HEMK2: variants seen among roughly 807,000 people sequenced by gnomAD.
The protein encoded by HEMK2 is HemK methyltransferase 2, ETF1 glutamine and histone H4 lysine, also known as methyltransferase HEMK2.
chr21:28,727,826 T>C, the HEMK2 span, among the ~76,000 whole-genome samples: 1 of 152,192 alleles, frequency 6.6e-6, no homozygotes, highest in Non-Finnish European at 1.5e-5. Context: ...GCCTGAGGGC[T>C]TGCTTGAAAT....
At chr21:28,693,310 T>C in the HEMK2 span, among the ~76,000 whole-genome samples, 1 of 152,190 alleles carries the variant, frequency 6.6e-6, no homozygotes, top group Non-Finnish European at 1.5e-5. Flanking sequence ...GTGAGGGGTT[T>C]TAGGCATAGA....
At chr21:28,866,175 A>AAAAAAACAC in the HEMK2 span, among the ~76,000 whole-genome samples, 173 of 76,216 alleles carry the variant, frequency 2.3e-3, 18 homozygotes, top group African/African-American at 7.8e-3. Flanking sequence ...CAAAAAAAAA[A>AAAAAAACAC]ACACACACAC....
the HEMK2 span, among the ~76,000 whole-genome samples, chr21:28,749,872 T>C: frequency 6.6e-6 from 1 of 152,248 alleles, no homozygotes; most frequent in African/African-American, 2.4e-5. Context: ...AATGTTGACA[T>C]TCACTTCCAA....
the HEMK2 span, among the ~76,000 whole-genome samples, chr21:28,617,228 C>T: frequency 1.3e-5 from 2 of 152,118 alleles, no homozygotes; most frequent in South Asian, 4.1e-4. Context: ...CAGCCAATGC[C>T]AAGGCCCTAA....
chr21:28,818,374 A>T, the HEMK2 span, among the ~76,000 whole-genome samples: 1 of 152,188 alleles, frequency 6.6e-6, no homozygotes, highest in Non-Finnish European at 1.5e-5. Context: ...CTTGCTCCTC[A>T]GCTTGCAGAT....
the HEMK2 span, among the ~76,000 whole-genome samples, chr21:28,715,430 C>G: frequency 6.6e-6 from 1 of 152,076 alleles, no homozygotes. Context: ...TTGTTGGCCA[C>G]TTGTATACCT....
the HEMK2 span, among the ~76,000 whole-genome samples, chr21:28,843,754 T>C: frequency 1.3e-5 from 2 of 152,184 alleles, no homozygotes; most frequent in African/African-American, 4.8e-5. Flanking sequence ...ATGTGGATAT[T>C]ACTATTCATG....
chr21:28,796,046 T>A, the HEMK2 span, among the ~76,000 whole-genome samples: 1 of 152,214 alleles, frequency 6.6e-6, no homozygotes, highest in African/African-American at 2.4e-5. Flanking sequence ...CAAATGAGAT[T>A]TTTTATACTG....
At chr21:28,872,225 A>C in the HEMK2 span, 1 of 152,196 alleles carries the variant, frequency 6.6e-6, no homozygotes, top group South Asian at 2.1e-4. Flanking sequence ...GCAAAAGGAA[A>C]GCTCTCCACA....
At chr21:28,622,728 G>C in the HEMK2 span, among the ~76,000 whole-genome samples, 2 of 152,114 alleles carry the variant, frequency 1.3e-5, no homozygotes, top group African/African-American at 4.8e-5. Context: ...CAAGCAATGG[G>C]AAAAGGATTC....
chr21:28,801,400 A>G, the HEMK2 span, among the ~76,000 whole-genome samples: 1 of 152,180 alleles, frequency 6.6e-6, no homozygotes, highest in African/African-American at 2.4e-5. Context: ...TTTAAAAGGG[A>G]TAACTTCTTT....
chr21:28,790,337 G>A, the HEMK2 span, among the ~76,000 whole-genome samples: 2 of 152,142 alleles, frequency 1.3e-5, no homozygotes, highest in South Asian at 2.1e-4. Context: ...GAAGGAGGGG[G>A]ATTAATTGTT....
At chr21:28,592,486 T>C in the HEMK2 span, among the ~76,000 whole-genome samples, 1 of 152,210 alleles carries the variant, frequency 6.6e-6, no homozygotes, top group Admixed American at 6.5e-5. Flanking sequence ...ATTGAAGGAC[T>C]AAAACAGCAT....
chr21:28,837,509 T>C, the HEMK2 span, among the ~76,000 whole-genome samples: 1 of 152,238 alleles, frequency 6.6e-6, no homozygotes, highest in Admixed American at 6.5e-5. Context: ...ACAATAATGA[T>C]ACCACTTATC....
chr21:28,877,158 AAG>A, the HEMK2 span, among the ~76,000 whole-genome samples: 33 of 136,608 alleles, frequency 2.4e-4, no homozygotes, highest in Admixed American at 1.1e-3. Context: ...GAGAGAAAGA[AAG>A]AGAAAGAAAG....
the HEMK2 span, among the ~76,000 whole-genome samples, chr21:28,831,014 A>G: frequency 6.6e-6 from 1 of 152,142 alleles, no homozygotes; most frequent in East Asian, 1.9e-4. Flanking sequence ...TTTCTTCTGG[A>G]TTCCACTTTG....
chr21:28,617,393 T>C, the HEMK2 span, among the ~76,000 whole-genome samples: 2 of 152,244 alleles, frequency 1.3e-5, no homozygotes, highest in East Asian at 3.8e-4. Context: ...TGTTATTTTG[T>C]GCTGATTTCA....
the HEMK2 span, among the ~76,000 whole-genome samples, chr21:28,812,824 G>T: frequency 6.6e-6 from 1 of 152,114 alleles, no homozygotes; most frequent in Admixed American, 6.6e-5. Flanking sequence ...CTTGTTATTG[G>T]TCTATTTAGG....
the HEMK2 span, among the ~76,000 whole-genome samples, chr21:28,679,814 G>T: frequency 6.6e-6 from 1 of 152,058 alleles, no homozygotes; most frequent in Admixed American, 6.5e-5. Context: ...GGTACATAAC[G>T]AAATGAAGGC....
Sources: gnomAD v4.1 joint callset for allele counts (sites outside exome capture counted in the v4.1 genomes callset) on GRCh38, gnomAD v4.1.1 for gene constraint, MANE v1.5 for transcripts, NCBI Gene and HGNC (gene_info 2026-07-23, HGNC 2026-07-21) for gene names.